GDPD5: variants seen among roughly 807,000 people sequenced by gnomAD.
GDPD5 encodes the protein glycerophosphodiester phosphodiesterase domain containing 5, also known as glycerophosphodiester phosphodiesterase 2.
A neutral mutation model predicts 75.1 loss-of-function variants in GDPD5; 48 were observed. The ratio of observed to expected loss-of-function variants is 0.64; its 90% CI spans 0.51 to 0.81. The LOEUF is 0.81. Ranked by LOEUF, GDPD5 falls within the 40% of genes least tolerant of loss-of-function variation. The pLI is 0.00. For synonymous variants in GDPD5, 336 were observed against 339.0 expected (o/e 0.99, Z 0.10); for missense variants, 706 against 822.6 (o/e 0.86, Z 1.73).
chr11:75,476,261 G>A (rs187659464), intron 3 of GDPD5, among the ~76,000 whole-genome samples: 2 of 152,224 alleles, frequency 1.3e-5, no homozygotes, highest in African/African-American at 4.8e-5. Flanking sequence ...AGAGGCTGAG[G>A]CTTGGGCATC....
At chr11:75,462,919 T>C in intron 3 of GDPD5, 30 bp from the exon 4 acceptor site, 1 of 1,579,782 alleles carries the variant, frequency 6.3e-7, no homozygotes, top group Non-Finnish European at 8.7e-7. Flanking sequence ...GGGGATTAAG[T>C]GGGTCAGGGG....
chr11:75,458,071 C>T (rs971942377), intron 4 of GDPD5, among the ~76,000 whole-genome samples: 5 of 152,212 alleles, frequency 3.3e-5, no homozygotes, highest in Admixed American at 6.5e-5. Context: ...TGGGTTCCCC[C>T]GCCCCCATGC....
chr11:75,454,222 A>G (rs1041033817), intron 6 of GDPD5, among the ~76,000 whole-genome samples: 1 of 152,252 alleles, frequency 6.6e-6, no homozygotes, highest in African/African-American at 2.4e-5. Flanking sequence ...ACAGTTTTAT[A>G]GAAAAGAAAA....
rs528712612 is a variant in GDPD5, at chr11:75,503,853, T to A, written c.-144-13533A>T. Among the ~76,000 whole-genome samples, 39 of 152,276 alleles carry A rather than the reference T, an allele frequency of 2.6e-4. No homozygotes were observed. In the Middle Eastern group the frequency reaches 0.01, roughly 40 times the overall value. Reference sequence around the variant, plus strand: ...ACTACAGATGCTCATCTCTTGAGCCTCCTGAGATGTTCATCTCCCAGCCCC... The same window carrying A: ...ACTACAGATGCTCATCTCTTGAGCCACCTGAGATGTTCATCTCCCAGCCCC... On this transcript the variant is annotated intron_variant, in intron 1 of 16. Transcript: ENST00000336898.
Position 75,435,329 on chromosome 11 carries a change from G to A in GDPD5, c.*178C>T. On this transcript the variant is annotated 3_prime_UTR_variant, in exon 17 of 17. Transcript: ENST00000336898. ...GAAAGGATGGAGTCCTGGCCCAGCT[G>A]GGCCTCAGGAGACAGGGAGTCCCCC... 3.7e-6 allele frequency: 2 copies of A among 543,516 alleles called. No homozygotes were observed. Among genetic ancestry groups the A allele is most frequent in the Non-Finnish European group, 3.2e-6 (1 of 312,438 alleles). The allele number at this position is 543,516 out of a possible 1,614,324, so 33.7% of individuals were successfully genotyped here.
chr11:75,519,679 G>C (rs1592171938), intron 1 of GDPD5, among the ~76,000 whole-genome samples: 1 of 152,170 alleles, frequency 6.6e-6, no homozygotes, highest in Non-Finnish European at 1.5e-5. Flanking sequence ...GCCCAAAGAG[G>C]TTAAATCACT....
At chr11:75,516,580 C>T (rs1375860731) in intron 1 of GDPD5, among the ~76,000 whole-genome samples, 1 of 152,148 alleles carries the variant, frequency 6.6e-6, no homozygotes, top group Non-Finnish European at 1.5e-5. Flanking sequence ...CCTGGTGGGG[C>T]AAGGGGAGCA....
chr11:75,525,020 G>A (rs1430769896), intron 1 of GDPD5, among the ~76,000 whole-genome samples, 190 bp downstream of exon 1: 2 of 152,170 alleles, frequency 1.3e-5, no homozygotes, highest in Non-Finnish European at 2.9e-5. Context: ...GGGCGGGGCG[G>A]GGCAGGGCGC....
At chr11:75,448,826 C>G in intron 9 of GDPD5, 151 bp downstream of exon 9, 1 of 1,148,510 alleles carries the variant, frequency 8.7e-7, no homozygotes, top group Non-Finnish European at 1.2e-6. Flanking sequence ...TCCATCCCAG[C>G]ACTCCCGGCC....
At chr11:75,496,140 C>T (rs138965915) in intron 1 of GDPD5, among the ~76,000 whole-genome samples, 15 of 152,352 alleles carry the variant, frequency 9.8e-5, no homozygotes, top group Middle Eastern at 3.4e-3. Context: ...GTTCTTGTTA[C>T]ACTATCCCCC....
At chr11:75,441,568 GTT>G (rs1491588642) in intron 13 of GDPD5, 76 bp downstream of exon 13, 7 of 1,223,884 alleles carry the variant, frequency 5.7e-6, no homozygotes, top group Admixed American at 2.2e-5. Flanking sequence ...GTGTGTGTGT[GTT>G]GGGGGGTGGT....
intron 3 of GDPD5, among the ~76,000 whole-genome samples, chr11:75,471,067 C>A (rs1286178658): frequency 6.6e-6 from 1 of 152,256 alleles, no homozygotes; most frequent in African/African-American, 2.4e-5. Flanking sequence ...AGAGTGCCTA[C>A]TCCTGAATCT....
chr11:75,495,939 AC>A (rs1182885467), intron 1 of GDPD5, among the ~76,000 whole-genome samples: 2 of 152,204 alleles, frequency 1.3e-5, no homozygotes, highest in Non-Finnish European at 2.9e-5. Context: ...AGTGCTTTCC[AC>A]ATGGAAGGTC....
intron 1 of GDPD5, among the ~76,000 whole-genome samples, chr11:75,501,907 G>GT (rs1350065068): frequency 6.6e-6 from 1 of 152,112 alleles, no homozygotes; most frequent in African/African-American, 2.4e-5. Context: ...GTAGGTATGT[G>GT]TATCACATTC....
rs79756909 is a variant in GDPD5 at position 75,448,931 on chromosome 11, G to A, written c.714+46C>T. 3.8e-3 allele frequency: 5,697 copies of A among 1,515,256 alleles called. 160 individuals carry two copies. In the African/African-American group the frequency reaches 0.067, roughly 18 times the overall value. 93.9% of individuals were successfully genotyped at this position (1,515,256 alleles called of 1,614,324 possible). ...ATTTCCCAAGAAGGTCCCCCCCATC[G>A]CACCCCACCCCAACGGGGCTGTTAG... On this transcript the variant is annotated intron_variant, in intron 9 of 16. Transcript: ENST00000336898.
chr11:75,448,921 C>T (rs1410490295), intron 9 of GDPD5, 56 bp downstream of exon 9: 2 of 1,495,756 alleles, frequency 1.3e-6, no homozygotes, highest in East Asian at 2.5e-5. Context: ...CCAAGAAGGT[C>T]CCCCCCATCG....
At chr11:75,493,685 G>T (rs1038498744) in intron 1 of GDPD5, among the ~76,000 whole-genome samples, 3 of 152,228 alleles carry the variant, frequency 2.0e-5, no homozygotes, top group South Asian at 4.2e-4. Context: ...TGCAGCAGGG[G>T]GGGGCCTAAG....
intron 3 of GDPD5, among the ~76,000 whole-genome samples, chr11:75,476,611 C>T (rs1314902008): frequency 6.6e-6 from 1 of 152,166 alleles, no homozygotes; most frequent in Non-Finnish European, 1.5e-5. Context: ...TGGGCAGGCC[C>T]TTCCCTCTCC....
At chr11:75,476,950 G>T (rs1949792657) in intron 3 of GDPD5, among the ~76,000 whole-genome samples, 1 of 152,014 alleles carries the variant, frequency 6.6e-6, no homozygotes, top group Admixed American at 6.5e-5. Flanking sequence ...GAATTTAGAG[G>T]CTGGCTTCTT....
Sources: allele counts gnomAD v4.1 joint callset (sites outside exome capture counted in the v4.1 genomes callset), GRCh38; gene constraint gnomAD v4.1.1; transcripts MANE v1.5; gene names NCBI Gene and HGNC (gene_info 2026-07-23, HGNC 2026-07-21).